The following PDE9A variants were observed in gnomAD, a reference collection of about 807,000 sequenced individuals.
The protein encoded by PDE9A is high affinity cGMP-specific 3',5'-cyclic phosphodiesterase 9A.
A neutral mutation model predicts 87.4 loss-of-function variants in PDE9A; 60 were observed. The ratio of observed to expected loss-of-function variants is 0.69; its 90% confidence interval spans 0.56 to 0.85. The LOEUF (loss-of-function observed/expected upper bound fraction) is 0.85. Ranked by LOEUF, PDE9A falls within the 40% of genes least tolerant of loss-of-function variation. The pLI is 0.00. For synonymous variants in PDE9A, 272 were observed against 279.4 expected, an observed-to-expected ratio of 0.97 and a Z score of 0.27; for missense variants, 665 against 779.0, an observed-to-expected ratio of 0.85 and a Z score of 1.74.
intron 14 of PDE9A, among the ~76,000 whole-genome samples, chr21:42,763,793 T>C (rs2056075402): frequency 6.6e-6 from 1 of 152,234 alleles, no homozygotes; most frequent in South Asian, 2.1e-4. Context: ...CCAGGCGTGC[T>C]GCTGAGCCTC....
chr21:42,772,502 G>A lies in PDE9A; in HGVS notation c.1750G>A (p.Asp584Asn). Residue 584 changes from aspartate to asparagine, a missense_variant, in exon 19 of 20, where the codon GAT becomes AAT. Physicochemically the swap from Asp to Asn is conservative, Grantham distance 23 (BLOSUM62 1). Transcript: ENST00000291539. Reference protein sequence around the residue: ...ATEKSRERSRDVKNSEGDCA With the variant: ...ATEKSRERSRNVKNSEGDCA Reference sequence around the variant, plus strand: ...CGAGAAGTCCAGAGAGAGAAGCAGAGATGTGAAAAACAGTGAAGGTAATGC... The same window carrying A: ...CGAGAAGTCCAGAGAGAGAAGCAGAAATGTGAAAAACAGTGAAGGTAATGC... The A allele has an allele frequency of 6.2e-7, 1 of 1,607,378 alleles. No homozygotes were observed. The highest frequency in any genetic ancestry group is 8.5e-7 in the Non-Finnish European group (1 of 1,176,818).
At chr21:42,679,131 G>A (rs2059013706) in intron 1 of PDE9A, among the ~76,000 whole-genome samples, 1 of 152,322 alleles carries the variant, frequency 6.6e-6, no homozygotes, top group Non-Finnish European at 1.5e-5. Flanking sequence ...ATTCACCAAG[G>A]TGAGCCCTGG....
rs886768467 is a variant in PDE9A at position 42,694,487 on chromosome 21, C to T, written c.219-4481C>T. Among the ~76,000 whole-genome samples, 1 of 152,206 alleles carries T rather than the reference C, an allele frequency of 6.6e-6. No homozygotes were observed. The highest frequency in any genetic ancestry group is 1.5e-5 in the Non-Finnish European group (1 of 68,034). On this transcript the variant is annotated intron_variant, in intron 3 of 19. Coordinates refer to ENST00000291539, the MANE Select transcript of PDE9A (RefSeq NM_002606.3). The surrounding 1 kb of genome is among the most constrained non-coding windows in gnomAD (Gnocchi z 5.3). ...CAAATTCCAAGGGCTCTTGACAGAC[C>T]ACCTCCATCCTGATCAGAAGGGGTG...
At chr21:42,751,062 C>T (rs1190411970) in intron 8 of PDE9A, 54 bp from the exon 9 acceptor site, 3 of 1,168,830 alleles carry the variant, frequency 2.6e-6, no homozygotes, top group Non-Finnish European at 3.9e-6. Flanking sequence ...GTGCTGAGGG[C>T]TTCACCAGAC....
In PDE9A at chr21:42,759,178, G is replaced by A. The variant is rs1269643210; in HGVS notation, c.897+93G>A. ...GGAATGGATCACCAGGGCACCTTCC[G>A]GATGGCACTGCGCTCCCTGTGAGCA... On this transcript the variant is annotated intron_variant, in intron 11 of 19. Coordinates refer to ENST00000291539, the MANE Select transcript of PDE9A (RefSeq NM_002606.3). This position sits in a 1 kb window ranked among gnomAD's most constrained non-coding sequence, Gnocchi z 7.2. 3.9e-5 allele frequency: 33 copies of A among 851,758 alleles called. No homozygotes were observed. The Middle Eastern group carries it at 8.9e-4, about 23-fold the overall frequency. 52.8% of individuals were successfully genotyped at this position (851,758 alleles called of 1,614,324 possible).
At chr21:42,701,568 C>A (rs1304137366) in intron 4 of PDE9A, among the ~76,000 whole-genome samples, 1 of 151,988 alleles carries the variant, frequency 6.6e-6, no homozygotes, top group Non-Finnish European at 1.5e-5. Context: ...TCCCAAGTAG[C>A]TGGGACTATA....
chr21:42,766,327 A>G (rs972043018), intron 15 of PDE9A, among the ~76,000 whole-genome samples: 3 of 152,172 alleles, frequency 2.0e-5, no homozygotes, highest in African/African-American at 7.2e-5. Flanking sequence ...TCTGTCTCAG[A>G]TAACAGAGAG....
At chr21:42,678,086 C>G (rs1022243121) in intron 1 of PDE9A, among the ~76,000 whole-genome samples, 4 of 152,366 alleles carry the variant, frequency 2.6e-5, no homozygotes, top group African/African-American at 9.6e-5. Context: ...ATATTCGCGG[C>G]AGCTGCAAGG....
chr21:42,769,498 C>CACA, intron 17 of PDE9A, among the ~76,000 whole-genome samples: 1 of 10,718 alleles, frequency 9.3e-5, no homozygotes, highest in African/African-American at 2.9e-4. Flanking sequence ...ACACAAGGCA[C>CACA]GCAGGTACAC....
intron 4 of PDE9A, among the ~76,000 whole-genome samples, chr21:42,709,376 A>G (rs1267234043): frequency 6.6e-6 from 1 of 152,210 alleles, no homozygotes; most frequent in African/African-American, 2.4e-5. Context: ...TGATGGGTTG[A>G]CAGGTGCAGC....
At chr21:42,755,422 G>A (rs1006886884) in intron 10 of PDE9A, among the ~76,000 whole-genome samples, 1 of 152,252 alleles carries the variant, frequency 6.6e-6, no homozygotes, top group Non-Finnish European at 1.5e-5. Context: ...CCCAAGAGCA[G>A]CAGGCGGCCA....
chr21:42,697,480 C>T (rs1480467305), intron 3 of PDE9A: 7 of 1,599,954 alleles, frequency 4.4e-6, no homozygotes, highest in Middle Eastern at 1.7e-4. Flanking sequence ...GAGTCATGGG[C>T]GTCCCACCAG....
At chr21:42,662,865 C>CAT (rs2057663501) in intron 1 of PDE9A, among the ~76,000 whole-genome samples, 1 of 146,052 alleles carries the variant, frequency 6.8e-6, no homozygotes, top group African/African-American at 2.6e-5. Flanking sequence ...ACATCACACA[C>CAT]GTACACACCA....
Position 42,739,289 on chromosome 21 carries a change from C to G in PDE9A, c.569-4487C>G, listed in dbSNP as rs1301148705. On this transcript the variant is annotated intron_variant, in intron 7 of 19. Transcript: ENST00000291539. This position sits in a 1 kb window ranked among gnomAD's most constrained non-coding sequence, Gnocchi z 4.1. ...GTCTGCAGACCTCTCAGGCTTGAGG[C>G]CCCCCGCCCCACAGGACTGGCCCGC... Among the ~76,000 whole-genome samples, 1 of 152,188 alleles carries G rather than the reference C, an allele frequency of 6.6e-6. No individual in the cohort carries two copies. Among genetic ancestry groups the G allele is most frequent in the Non-Finnish European group, 1.5e-5 (1 of 68,014 alleles).
chr21:42,690,959 C>A (rs948159459), intron 3 of PDE9A, among the ~76,000 whole-genome samples: 7 of 152,010 alleles, frequency 4.6e-5, no homozygotes, highest in African/African-American at 1.7e-4. Flanking sequence ...AGCAAAGTCA[C>A]CCAGACCCAT....
At chr21:42,709,115 T>C (rs1424049296) in intron 4 of PDE9A, among the ~76,000 whole-genome samples, 1 of 152,196 alleles carries the variant, frequency 6.6e-6, no homozygotes, top group African/African-American at 2.4e-5. Flanking sequence ...TGGAATACTA[T>C]GCAGCCATAA....
chr21:42,663,383 C>T (rs1372498307), intron 1 of PDE9A, among the ~76,000 whole-genome samples: 4 of 152,186 alleles, frequency 2.6e-5, no homozygotes, highest in African/African-American at 9.7e-5. Context: ...TCAGCAGAGC[C>T]CCTGGGGGTT....
chr21:42,729,951 G>A (rs967518638), intron 4 of PDE9A, among the ~76,000 whole-genome samples: 7 of 152,088 alleles, frequency 4.6e-5, no homozygotes, highest in Non-Finnish European at 7.4e-5. Flanking sequence ...TGCTCTGTAG[G>A]TGCCTGAAAT....
chr21:42,770,635 T>A, intron 17 of PDE9A, 68 bp from the exon 18 acceptor site: 2 of 1,284,598 alleles, frequency 1.6e-6, no homozygotes, highest in Non-Finnish European at 2.3e-6. Flanking sequence ...CTGACACCTG[T>A]TTTTCTCCGA....
Sources: gnomAD v4.1 joint callset for allele counts (sites outside exome capture counted in the v4.1 genomes callset) on GRCh38, gnomAD v4.1.1 for gene constraint, Gnocchi (gnomAD v3.1) non-coding constraint, MANE v1.5 for transcripts, NCBI Gene and HGNC (gene_info 2026-07-23, HGNC 2026-07-21) for gene names.